PRTN3: variants seen among roughly 807,000 people sequenced by gnomAD.
PRTN3 encodes the protein proteinase 3.
A neutral mutation model predicts 20.7 loss-of-function variants in PRTN3; 22 were observed. The ratio of observed to expected loss-of-function variants is 1.06; its 90% CI spans 0.76 to 1.52. The LOEUF (loss-of-function observed/expected upper bound fraction) is 1.52, where lower values mean the gene tolerates loss of function less well. PRTN3 is among the 40% of genes most tolerant of loss of function. PRTN3 has a pLI of 0.00. For synonymous variants in PRTN3, 173 were observed against 152.9 expected, an observed-to-expected ratio of 1.13 and a Z score of -0.97; for missense variants, 378 against 359.6, an observed-to-expected ratio of 1.05 and a Z score of -0.41.
chr19:844,518 G>A (rs1271739936), intron 3 of PRTN3, among the ~76,000 whole-genome samples: 1 of 112,582 alleles, frequency 8.9e-6, no homozygotes, highest in Non-Finnish European at 1.8e-5. Flanking sequence ...TCCCCTGCCT[G>A]CCCCTCTCCC....
At chr19:842,866 G>A (rs1006577152) in intron 1 of PRTN3, among the ~76,000 whole-genome samples, 1 of 151,926 alleles carries the variant, frequency 6.6e-6, no homozygotes, top group Non-Finnish European at 1.5e-5. Flanking sequence ...GGGATTACAG[G>A]CGTGGGCCAA....
chr19:846,328 C>T lies in PRTN3; in HGVS notation c.551C>T (p.Pro184Leu), dbSNP rs1424656036. Residue 184 changes from proline (P) to leucine (L), a missense_variant, in exon 4 of 5, where the codon CCA (proline) becomes CTA (leucine). Physicochemically the swap from Pro to Leu is moderately conservative, Grantham distance 98. Coordinates refer to ENST00000234347, the MANE Select transcript of PRTN3 (RefSeq NM_002777.4). ...ACCGTGGTCACCTTCTTCTGCCGGC[C>T]ACATAACATTTGCACTTTCGTCCCT... The part of the protein sequence containing the change: ...NVTVVTFFCR[P>L]HNICTFVPRR... 1 of 1,590,500 alleles carries T rather than the reference C, an allele frequency of 6.3e-7. No homozygotes were observed. The highest frequency in any genetic ancestry group is 1.1e-5 in the South Asian group (1 of 87,368).
chr19:843,571 G>C lies in PRTN3; in HGVS notation c.172G>C (p.Gly58Arg). The change falls in exon 2 of 5, where the codon GGC becomes CGC. Residue 58 changes from glycine to arginine, a missense_variant. Coordinates refer to ENST00000234347, the MANE Select transcript of PRTN3 (RefSeq NM_002777.4). The stretch of plus-strand genomic sequence containing the variant: ...GAACCCGGGCAGCCACTTCTGCGGA[G>C]GCACCTTGATCCACCCCAGCTTCGT... ...RGNPGSHFCGGTLIHPSFVLT... is the reference protein window; with the variant it reads ...RGNPGSHFCGRTLIHPSFVLT... The C allele has an allele frequency of 6.2e-7, 1 of 1,603,144 alleles. No homozygotes were observed. The highest frequency in any genetic ancestry group is 8.5e-7 in the Non-Finnish European group (1 of 1,177,792).
intron 4 of PRTN3, among the ~76,000 whole-genome samples, chr19:847,560 AGAGAGAGAG>A (rs1568301042): frequency 6.8e-6 from 1 of 147,122 alleles, no homozygotes; most frequent in African/African-American, 2.5e-5. Flanking sequence ...AAAGAAAGAG[AGAGAGAGAG>A]AGAGAGAGAG....
rs1455561339 is a variant in PRTN3 at position 846,152 on chromosome 19, C to T, written c.375C>T (p.Ser125=). ...KLNDVLLIQL[S]SPANLSASVA... ...CCGCCTGCCTTCTGCCCCAGCTGAG[C>T]AGCCCAGCCAACCTCAGTGCCTCCG... Residue 125 remains serine, a synonymous_variant, in exon 4 of 5, where the codon AGC becomes AGT. Transcript: ENST00000234347. The T allele has an allele frequency of 9.1e-6, 13 of 1,433,244 alleles. No individual in the cohort carries two copies. Among genetic ancestry groups the T allele is most frequent in the Non-Finnish European group, 1.1e-5 (12 of 1,092,346 alleles). 88.8% of individuals were successfully genotyped at this position (1,433,244 alleles called of 1,614,324 possible). A position where few individuals can be genotyped will look rare whatever the true frequency, so the allele number is the denominator to read the frequency against.
intron 1 of PRTN3, among the ~76,000 whole-genome samples, chr19:842,879 G>C (rs967837620): frequency 6.8e-6 from 1 of 147,030 alleles, no homozygotes; most frequent in Admixed American, 6.8e-5. Context: ...TGGGCCAACC[G>C]CACCCGACCA....
Position 846,144 on chromosome 19 carries a change from C to T in PRTN3, c.370-3C>T, listed in dbSNP as rs753406681. The stretch of plus-strand genomic sequence containing the variant: ...TCTCACCGCCGCCTGCCTTCTGCCC[C>T]AGCTGAGCAGCCCAGCCAACCTCAG... On this transcript the variant is annotated splice_polypyrimidine_tract_variant and splice_region_variant and intron_variant, in intron 3 of 4. Coordinates refer to ENST00000234347, the MANE Select transcript of PRTN3 (RefSeq NM_002777.4). 1 of 1,423,210 alleles carries T rather than the reference C, an allele frequency of 7.0e-7. No homozygotes were observed. Among genetic ancestry groups the T allele is most frequent in the Non-Finnish European group, 9.2e-7 (1 of 1,088,186 alleles). The allele number at this position is 1,423,210 out of a possible 1,614,324, so 88.2% of individuals were successfully genotyped here.
At chr19:846,006 G>A in intron 3 of PRTN3, 141 bp from the exon 4 acceptor site, 2 of 566,398 alleles carry the variant, frequency 3.5e-6, no homozygotes, top group Non-Finnish European at 6.1e-6. Flanking sequence ...ATGGGACAAA[G>A]GGGGTCGTGG....
intron 3 of PRTN3, among the ~76,000 whole-genome samples, chr19:845,672 C>T (rs2035506460): frequency 6.6e-6 from 1 of 151,256 alleles, no homozygotes; most frequent in African/African-American, 2.4e-5. Context: ...CGAGATTGTG[C>T]CACTGCACTC....
Position 846,259 on chromosome 19 carries a change from G to A in PRTN3, c.482G>A (p.Gly161Asp), listed in dbSNP as rs780453074. 1 of 1,569,472 alleles carries A rather than the reference G, an allele frequency of 6.4e-7. No homozygotes were observed. Among genetic ancestry groups the A allele is most frequent in the Non-Finnish European group, 8.6e-7 (1 of 1,158,480 alleles). ...QCLAMGWGRV[G>D]AHDPPAQVLQ... The stretch of plus-strand genomic sequence containing the variant: ...CTGGCCATGGGCTGGGGCCGCGTGG[G>A]TGCCCACGACCCCCCAGCCCAGGTC... Residue 161 changes from glycine (G) to aspartate (D), a missense_variant, in exon 4 of 5, where the codon GGT (glycine) becomes GAT (aspartate). Physicochemically the swap from Gly to Asp is moderately conservative, Grantham distance 94. Transcript: ENST00000234347.
At chr19:841,312 C>T (rs1022917591) in intron 1 of PRTN3, among the ~76,000 whole-genome samples, 3 of 152,366 alleles carry the variant, frequency 2.0e-5, no homozygotes, top group African/African-American at 7.2e-5. Context: ...CCAGCCCTTC[C>T]CTCCTGAGGA....
chr19:841,785 T>A, intron 1 of PRTN3, among the ~76,000 whole-genome samples: 1 of 136,430 alleles, frequency 7.3e-6, no homozygotes, highest in Non-Finnish European at 1.6e-5. Context: ...TGGAGTGCAG[T>A]GGCGCGATCT....
rs757523433 is a variant in PRTN3 at position 841,020 on chromosome 19, GC to G, written c.18del (p.Ser7AlafsTer13). The G allele has an allele frequency of 3.7e-6, 6 of 1,608,818 alleles. No individual in the cohort carries two copies. The highest frequency in any genetic ancestry group is 2.5e-6 in the Non-Finnish European group (3 of 1,179,696). MAHR[P>X]PSPALASVLL... ...CCCTGGACCCCACCATGGCTCACCG[GC>G]CCCCCAGCCCTGCCCTGGCGTCCGT... On this transcript the variant is annotated frameshift_variant, in exon 1 of 5. Coordinates refer to ENST00000234347, the MANE Select transcript of PRTN3 (RefSeq NM_002777.4). LOFTEE classifies it high-confidence loss of function.
intron 1 of PRTN3, among the ~76,000 whole-genome samples, chr19:842,840 G>A (rs1238296713): frequency 1.3e-5 from 2 of 151,986 alleles, no homozygotes; most frequent in African/African-American, 2.4e-5. Context: ...CACCCACCTC[G>A]GCCTCCCAAA....
intron 4 of PRTN3, among the ~76,000 whole-genome samples, chr19:847,320 C>G (rs1180298770): frequency 6.6e-6 from 1 of 151,672 alleles, no homozygotes; most frequent in African/African-American, 2.4e-5. Context: ...AGAAAGACAG[C>G]CAGCTACTCG....
chr19:848,079 C>G lies in PRTN3; in HGVS notation c.*110C>G. 7.6e-7 allele frequency: 1 copy of G among 1,313,150 alleles called. No individual in the cohort carries two copies. Among genetic ancestry groups the G allele is most frequent in the Non-Finnish European group, 1.0e-6 (1 of 973,240 alleles). The allele number at this position is 1,313,150 out of a possible 1,614,324, so 81.3% of individuals were successfully genotyped here. On this transcript the variant is annotated 3_prime_UTR_variant, in exon 5 of 5. Transcript: ENST00000234347. Reference sequence around the variant, plus strand: ...CCGAACACTGTGGCGTCCGGGACGGCCCCACCCGTCCCCCCACACTCCCTC... The same window carrying G: ...CCGAACACTGTGGCGTCCGGGACGGGCCCACCCGTCCCCCCACACTCCCTC...
chr19:845,694 A>G (rs2035506728), intron 3 of PRTN3, among the ~76,000 whole-genome samples: 1 of 149,680 alleles, frequency 6.7e-6, no homozygotes, highest in South Asian at 2.1e-4. Context: ...AGCCTGGGCA[A>G]CAAGAGCGAA....
At chr19:841,505 TGAG>T (rs1568298235) in intron 1 of PRTN3, among the ~76,000 whole-genome samples, 7 of 148,016 alleles carry the variant, frequency 4.7e-5, no homozygotes, top group Admixed American at 1.4e-4. Context: ...AATGAGTGAA[TGAG>T]TGAACGAATG....
intron 4 of PRTN3, among the ~76,000 whole-genome samples, chr19:847,015 A>G (rs560570858): frequency 1.3e-5 from 2 of 152,262 alleles, no homozygotes; most frequent in East Asian, 3.9e-4. Flanking sequence ...CATTTTAAAG[A>G]AAATTCCAGG....
Sources: gnomAD v4.1 joint callset for allele counts (sites outside exome capture counted in the v4.1 genomes callset) on GRCh38, gnomAD v4.1.1 for gene constraint, MANE v1.5 for transcripts, NCBI Gene and HGNC (gene_info 2026-07-23, HGNC 2026-07-21) for gene names.